The following LYSMD2 variants were observed in gnomAD, a reference collection of about 807,000 sequenced individuals.
LYSMD2 encodes the protein lysM and putative peptidoglycan-binding domain-containing protein 2.
In LYSMD2, 6 loss-of-function variants were observed where a neutral mutation model predicts 17.7. That is an observed-to-expected ratio of 0.34 (90% CI 0.19 to 0.67). The LOEUF (loss-of-function observed/expected upper bound fraction) is 0.67. Ranked by LOEUF, LYSMD2 falls within the 30% of genes least tolerant of loss-of-function variation. The probability of loss-of-function intolerance (pLI) is 0.69; values close to 1 mark genes in which losing one functional copy is unlikely to be tolerated. For missense variants in LYSMD2, 237 were observed against 286.7 expected, an observed-to-expected ratio of 0.83 and a Z score of 1.25; for synonymous variants, 102 against 129.8, an observed-to-expected ratio of 0.79 and a Z score of 1.45.
intron 1 of LYSMD2, among the ~76,000 whole-genome samples, chr15:51,729,271 T>C (rs1269553415): frequency 6.6e-6 from 1 of 152,206 alleles, no homozygotes; most frequent in Non-Finnish European, 1.5e-5. Flanking sequence ...ATTTTAAATG[T>C]GATGAGAAGC....
intron 1 of LYSMD2, among the ~76,000 whole-genome samples, chr15:51,728,725 C>A (rs937131603): frequency 6.6e-6 from 1 of 152,054 alleles, no homozygotes; most frequent in Non-Finnish European, 1.5e-5. Context: ...CAAAAATTAG[C>A]CAGGCATGAT....
At chr15:51,731,740 G>T (rs920396087) in intron 1 of LYSMD2, among the ~76,000 whole-genome samples, 10 of 152,112 alleles carry the variant, frequency 6.6e-5, no homozygotes, top group Non-Finnish European at 8.8e-5. Context: ...GCTCTCTGGA[G>T]GTTTCTCCAG....
intron 1 of LYSMD2, among the ~76,000 whole-genome samples, chr15:51,729,590 C>G (rs929490985): frequency 5.3e-5 from 8 of 152,220 alleles, no homozygotes; most frequent in Non-Finnish European, 1.0e-4. Flanking sequence ...TCCCAAGTAG[C>G]TGGGATTACA....
At chr15:51,749,932 C>T (rs1462212198) in intron 1 of LYSMD2, among the ~76,000 whole-genome samples, 1 of 152,208 alleles carries the variant, frequency 6.6e-6, no homozygotes, top group Non-Finnish European at 1.5e-5. Flanking sequence ...AAGATATAGT[C>T]CATTACCACA....
At chr15:51,725,421 A>C (rs1380393899) in intron 1 of LYSMD2, among the ~76,000 whole-genome samples, 1 of 152,194 alleles carries the variant, frequency 6.6e-6, no homozygotes, top group East Asian at 1.9e-4. Context: ...TAAAAATGTA[A>C]AATTTTTAGC....
intron 1 of LYSMD2, among the ~76,000 whole-genome samples, chr15:51,742,894 C>T (rs1310584955): frequency 1.3e-5 from 2 of 152,094 alleles, no homozygotes; most frequent in Admixed American, 1.3e-4. Flanking sequence ...ACCAGGAGTT[C>T]GAGGCTGCAG....
In LYSMD2 at chr15:51,737,333, C is replaced by A; in HGVS notation, c.273+17G>T. The A allele has an allele frequency of 3.0e-6, 4 of 1,322,416 alleles. No individual in the cohort carries two copies. Among genetic ancestry groups the A allele is most frequent in the Non-Finnish European group, 3.9e-6 (4 of 1,036,050 alleles). 81.9% of individuals were successfully genotyped at this position (1,322,416 alleles called of 1,614,324 possible). On this transcript the variant is annotated intron_variant, in intron 1 of 2. Transcript: ENST00000267838. The surrounding 1 kb of genome is among the most constrained non-coding windows in gnomAD (Gnocchi z 4.2). The stretch of plus-strand genomic sequence containing the variant: ...CGGTAGCTGCCAGCCCGGGCCGCGG[C>A]GGCGCGCCCTGCTCACCGTGACACC...
chr15:51,736,721 A>G (rs189584302), intron 1 of LYSMD2, among the ~76,000 whole-genome samples: 1 of 150,622 alleles, frequency 6.6e-6, no homozygotes, highest in East Asian at 2.0e-4. Context: ...AGACACACAC[A>G]CTTATAAATT....
upstream of LYSMD2, among the ~76,000 whole-genome samples, chr15:51,742,039 AT>A (rs911539020): frequency 2.2e-3 from 317 of 146,938 alleles, 1 homozygote; most frequent in African/African-American, 5.9e-3. Flanking sequence ...CCAAAAAGAA[AT>A]TTTTTTTTTT....
chr15:51,744,180 G>A (rs2055656276), intron 1 of LYSMD2, among the ~76,000 whole-genome samples: 1 of 152,050 alleles, frequency 6.6e-6, no homozygotes, highest in African/African-American at 2.4e-5. Context: ...ATACAATGTT[G>A]AATAGAGGGT....
chr15:51,730,954 G>A lies in LYSMD2; in HGVS notation c.274-5833C>T, dbSNP rs114529944. Among the ~76,000 whole-genome samples the A allele has an allele frequency of 5.4e-3, 815 of 152,252 alleles. 6 individuals carry two copies. The highest frequency in any genetic ancestry group is 0.014 in the African/African-American group (583 of 41,546). ...CCCCTCCATTGCTATGTGTTCATGA[G>A]AAAAAGGCTTTTTTTCTTCCCCACA... is the stretch of plus-strand genomic sequence containing the variant. On this transcript the variant is annotated intron_variant, in intron 1 of 2. Coordinates refer to ENST00000267838, the MANE Select transcript of LYSMD2 (RefSeq NM_153374.3).
upstream of LYSMD2, chr15:51,737,731 T>G: frequency 1.2e-5 from 10 of 829,706 alleles, no homozygotes; most frequent in African/African-American, 1.8e-5. This position sits in a 1 kb window ranked among gnomAD's most constrained non-coding sequence, Gnocchi z 4.2. Context: ...CAGCAGGCCG[T>G]TCCGCGGGGG....
chr15:51,725,388 A>G (rs576714416), intron 1 of LYSMD2, among the ~76,000 whole-genome samples: 81 of 152,348 alleles, frequency 5.3e-4, no homozygotes, highest in Middle Eastern at 3.4e-3. Context: ...TTTTAACATC[A>G]GTGGACTTAA....
At chr15:51,742,486 T>C (rs575964104), upstream of LYSMD2, among the ~76,000 whole-genome samples, 19 of 152,366 alleles carry the variant, frequency 1.2e-4, no homozygotes, top group African/African-American at 4.6e-4. Context: ...ACATAATGTT[T>C]TCAAGTTTCA....
chr15:51,736,043 G>C (rs74015725), intron 1 of LYSMD2, among the ~76,000 whole-genome samples: 2,007 of 152,202 alleles, frequency 0.013, 47 homozygotes, highest in African/African-American at 0.046. Flanking sequence ...AATTCAAGCT[G>C]GTCTCAATGA....
At chr15:51,733,633 G>A (rs566660471) in intron 1 of LYSMD2, among the ~76,000 whole-genome samples, 20 of 151,974 alleles carry the variant, frequency 1.3e-4, no homozygotes, top group African/African-American at 4.3e-4. Context: ...TCCATCATTC[G>A]CCCAGGGCCA....
chr15:51,736,597 C>T (rs137871916), intron 1 of LYSMD2, among the ~76,000 whole-genome samples: 62 of 152,236 alleles, frequency 4.1e-4, no homozygotes, highest in African/African-American at 1.4e-3. Context: ...GATACAGATC[C>T]CAAATGTAAA....
intron 1 of LYSMD2, among the ~76,000 whole-genome samples, chr15:51,729,020 T>C (rs547272684): frequency 2.0e-4 from 30 of 152,364 alleles, no homozygotes; most frequent in African/African-American, 6.0e-4. Context: ...GTAATGAAAA[T>C]CTTAACCTGT....
upstream of LYSMD2, among the ~76,000 whole-genome samples, chr15:51,742,501 T>C (rs4774600): frequency 0.016 from 2,480 of 152,312 alleles, 88 homozygotes; most frequent in Admixed American, 0.072. Context: ...GTTTCATCCA[T>C]GTTGTAACAT....
Sources: allele counts gnomAD v4.1 joint callset (sites outside exome capture counted in the v4.1 genomes callset), GRCh38; gene constraint gnomAD v4.1.1; non-coding constraint Gnocchi (gnomAD v3.1); transcripts MANE v1.5; gene names NCBI Gene and HGNC (gene_info 2026-07-23, HGNC 2026-07-21).